The following CCDC7 variants were observed in gnomAD, a reference collection of about 807,000 sequenced individuals.
CCDC7 encodes coiled-coil domain-containing protein 7.
In CCDC7, 183 loss-of-function variants were observed where a neutral mutation model predicts 196.9. The ratio of observed to expected loss-of-function variants is 0.93; its 90% CI spans 0.82 to 1.05. The LOEUF is 1.05. Ranked by LOEUF, CCDC7 falls within the 50% of genes least tolerant of loss-of-function variation. The pLI, the probability that CCDC7 is intolerant of heterozygous loss-of-function variation, is 0.00. For synonymous variants in CCDC7, 525 were observed against 484.6 expected (o/e 1.08, Z -1.10); for missense variants, 1,540 against 1,482.2 (o/e 1.04, Z -0.64).
At position 32,582,003 on chromosome 10, in the gene CCDC7, G is replaced by A. The variant is rs187848948; in HGVS notation, c.1455-1031G>A. Among the ~76,000 whole-genome samples, 3 of 150,978 alleles carry A rather than the reference G, an allele frequency of 2.0e-5. No homozygotes were observed. In the East Asian group the frequency reaches 5.8e-4, roughly 29 times the overall value. On this transcript the variant is annotated intron_variant, in intron 16 of 41. Transcript: ENST00000639629. Reference sequence around the variant, plus strand: ...GAGATGCTATCCTTAATTTAGGATAGGAAGCCAGCTATTCTCTTTACTTTT... The same window carrying A: ...GAGATGCTATCCTTAATTTAGGATAAGAAGCCAGCTATTCTCTTTACTTTT...
intron 5 of CCDC7, among the ~76,000 whole-genome samples, chr10:32,467,847 T>A (rs1027250283): frequency 6.6e-6 from 1 of 152,230 alleles, no homozygotes; most frequent in Non-Finnish European, 1.5e-5. Context: ...AGGGAGTCCT[T>A]TCTTCATTGT....
chr10:32,659,017 C>G, intron 20 of CCDC7, among the ~76,000 whole-genome samples: 1 of 151,666 alleles, frequency 6.6e-6, no homozygotes, highest in Admixed American at 6.6e-5. Context: ...TAGAGTTTTT[C>G]TAGTCTCTAT....
chr10:32,820,482 A>C (rs923615303), intron 31 of CCDC7, among the ~76,000 whole-genome samples: 5 of 152,244 alleles, frequency 3.3e-5, no homozygotes, highest in African/African-American at 7.2e-5. Context: ...GTTCATATGG[A>C]ACCAAAAAAG....
intron 11 of CCDC7, among the ~76,000 whole-genome samples, chr10:32,532,990 T>C (rs1422230698): frequency 2.0e-5 from 3 of 152,060 alleles, no homozygotes; most frequent in South Asian, 2.1e-4. Flanking sequence ...GATCTTACTA[T>C]GACCATTTTG....
intron 10 of CCDC7, 89 bp from the exon 12 acceptor site, chr10:32,518,327 A>G: frequency 7.5e-7 from 1 of 1,324,936 alleles, no homozygotes; most frequent in Non-Finnish European, 1.0e-6. Context: ...GTTAATGAAG[A>G]CTTTCTTACC....
chr10:32,590,848 C>A (rs551916844), intron 18 of CCDC7, among the ~76,000 whole-genome samples: 1 of 122,316 alleles, frequency 8.2e-6, no homozygotes, highest in Admixed American at 1.0e-4. Context: ...AGTCTGCTGC[C>A]AGATGTATTG....
At chr10:32,857,706 G>A (rs1219099205) in intron 41 of CCDC7, among the ~76,000 whole-genome samples, 1 of 151,844 alleles carries the variant, frequency 6.6e-6, no homozygotes, top group Non-Finnish European at 1.5e-5. Context: ...ATAGCCTAAT[G>A]TTATGCCTCA....
At chr10:32,587,729 C>G (rs1471070813) in intron 18 of CCDC7, among the ~76,000 whole-genome samples, 1 of 152,054 alleles carries the variant, frequency 6.6e-6, no homozygotes, top group African/African-American at 2.4e-5. Flanking sequence ...TCTTCCTTTC[C>G]AATTTGGATG....
intron 20 of CCDC7, among the ~76,000 whole-genome samples, chr10:32,640,864 CT>C (rs753769301): frequency 4.0e-5 from 3 of 74,544 alleles, no homozygotes; most frequent in Non-Finnish European, 6.1e-5. Context: ...TGTAGATTTT[CT>C]TTTTTTTTTT....
At chr10:32,721,535 T>C (rs566550150) in intron 25 of CCDC7, among the ~76,000 whole-genome samples, 1 of 152,202 alleles carries the variant, frequency 6.6e-6, no homozygotes, top group Admixed American at 6.6e-5. Context: ...AATATATGGG[T>C]GTCATCTAGA....
At chr10:32,742,296 C>T (rs2085990354) in intron 28 of CCDC7, among the ~76,000 whole-genome samples, 1 of 152,120 alleles carries the variant, frequency 6.6e-6, no homozygotes, top group Admixed American at 6.6e-5. Context: ...GCATCCTGCA[C>T]CAGAGTAAAA....
At chr10:32,882,272 C>G (rs2094817826) in intron 22 of CCDC7, among the ~76,000 whole-genome samples, 1 of 152,052 alleles carries the variant, frequency 6.6e-6, no homozygotes, top group Non-Finnish European at 1.5e-5. Flanking sequence ...CTTAACCGGC[C>G]TAACAAGATT....
chr10:32,640,601 C>A (rs1450575723), intron 20 of CCDC7, among the ~76,000 whole-genome samples: 1 of 152,100 alleles, frequency 6.6e-6, no homozygotes, highest in Admixed American at 6.5e-5. Flanking sequence ...TTCTTCCTAG[C>A]CTCTATGGTC....
chr10:32,449,906 G>A (rs976401422), upstream of CCDC7, among the ~76,000 whole-genome samples: 4 of 152,166 alleles, frequency 2.6e-5, no homozygotes, highest in African/African-American at 7.2e-5. Context: ...TTTATTTAGC[G>A]TCTGGGCTTT....
intron 25 of CCDC7, among the ~76,000 whole-genome samples, chr10:32,716,258 T>TA (rs1368530058): frequency 6.6e-6 from 1 of 151,544 alleles, no homozygotes; most frequent in Non-Finnish European, 1.5e-5. Flanking sequence ...TCAACATTCT[T>TA]AAAGAATTTT....
chr10:32,866,061 A>G (rs923247084), intron 41 of CCDC7, among the ~76,000 whole-genome samples: 1 of 151,886 alleles, frequency 6.6e-6, no homozygotes, highest in Non-Finnish European at 1.5e-5. Flanking sequence ...CCTAGCACCC[A>G]AATCTACATT....
chr10:32,567,893 T>C lies in CCDC7; in HGVS notation c.1419+2T>C. ...GATAAAATCCAAGAATATCCACAGG[T>C]GAGGAAATAACCAAAATGGAGACAG... On this transcript the variant is annotated splice_donor_variant, in intron 15 of 41. Transcript: ENST00000639629. LOFTEE classifies it high-confidence loss of function. 1 of 1,609,378 alleles carries C rather than the reference T, an allele frequency of 6.2e-7. No homozygotes were observed. The highest frequency in any genetic ancestry group is 8.5e-7 in the Non-Finnish European group (1 of 1,178,688).
intron 18 of CCDC7, among the ~76,000 whole-genome samples, chr10:32,605,829 A>T (rs1313555668): frequency 6.7e-6 from 1 of 148,670 alleles, no homozygotes; most frequent in African/African-American, 2.4e-5. Context: ...AAAATTTATA[A>T]CCTGGCCATA....
intron 9 of CCDC7, among the ~76,000 whole-genome samples, chr10:32,510,500 G>A (rs1355235263): frequency 1.3e-5 from 2 of 152,106 alleles, no homozygotes; most frequent in African/African-American, 2.4e-5. Context: ...GAGGGCAGAC[G>A]GAAACATTTG....
Sources: gnomAD v4.1 joint callset for allele counts (sites outside exome capture counted in the v4.1 genomes callset) on GRCh38, gnomAD v4.1.1 for gene constraint, MANE v1.5 for transcripts, NCBI Gene and HGNC (gene_info 2026-07-23, HGNC 2026-07-21) for gene names.